PIGQ: variants seen among roughly 807,000 people sequenced by gnomAD.
PIGQ encodes phosphatidylinositol N-acetylglucosaminyltransferase subunit Q.
A neutral mutation model predicts 60.3 loss-of-function variants in PIGQ; 54 were observed. The observed-to-expected ratio is 0.90, with a 90% CI of 0.72 to 1.12. PIGQ has a LOEUF of 1.12. PIGQ is among the 50% of genes most tolerant of loss of function. The probability of loss-of-function intolerance (pLI) is 0.00; values close to 1 mark genes in which losing one functional copy is unlikely to be tolerated. For missense variants in PIGQ, 799 were observed against 793.5 expected, an observed-to-expected ratio of 1.01 and a Z score of -0.08; for synonymous variants, 416 against 363.7, an observed-to-expected ratio of 1.14 and a Z score of -1.64.
At position 582,963 on chromosome 16, in the gene PIGQ, C is replaced by T. The variant is rs760639555; in HGVS notation, c.1674C>T (p.Gly558=). 4.2e-5 allele frequency: 68 copies of T among 1,612,888 alleles called. No homozygotes were observed. The Admixed American group carries it at 7.5e-4, about 18-fold the overall frequency. ...SCGCHPKHSW[G]ALCRKLFLGE... is the part of the protein sequence containing the mutation. Reference sequence around the variant, plus strand: ...GCTGCCACCCCAAGCACTCCTGGGGCGCCCTGTGCCGCAAGCTGTTCCTTG... The same window carrying T: ...GCTGCCACCCCAAGCACTCCTGGGGTGCCCTGTGCCGCAAGCTGTTCCTTG... The change falls in exon 11 of 11, where the codon GGC becomes GGT. Residue 558 remains glycine, a synonymous_variant. Transcript: ENST00000321878.
At chr16:572,396 C>T in intron 1 of PIGQ, 1 of 409,602 alleles carries the variant, frequency 2.4e-6, no homozygotes, top group Middle Eastern at 5.0e-4. Flanking sequence ...CTGGATCCTC[C>T]AGCCCCAGTG....
Position 582,924 on chromosome 16 carries a change from C to A in PIGQ, c.1635C>A (p.Arg545=). The A allele has an allele frequency of 6.2e-7, 1 of 1,612,374 alleles. No homozygotes were observed. The highest frequency in any genetic ancestry group is 8.5e-7 in the Non-Finnish European group (1 of 1,179,674). ...LPYSRVVHTY[R]LPSCGCHPKH... is the part of the protein sequence containing the mutation. The stretch of plus-strand genomic sequence containing the variant: ...ACAGCCGCGTGGTGCACACCTACCG[C>A]CTCCCCAGCTGTGGCTGCCACCCCA... Residue 545 remains arginine (R), a synonymous_variant, in exon 11 of 11, where the codon CGC becomes CGA. Coordinates refer to ENST00000321878, the MANE Select transcript of PIGQ (RefSeq NM_004204.5).
chr16:572,533 A>C, intron 1 of PIGQ: 2 of 455,880 alleles, frequency 4.4e-6, no homozygotes, highest in Non-Finnish European at 8.8e-6. Flanking sequence ...CACCACCCCG[A>C]CGTGTGCATC....
intron 4 of PIGQ, chr16:578,171 C>T (rs759959409): frequency 1.6e-4 from 88 of 544,732 alleles, no homozygotes; most frequent in Non-Finnish European, 2.6e-4. Context: ...CCCAGGCCTG[C>T]AGAGAGAGGC....
At chr16:572,894 C>T (rs2038220990) in intron 1 of PIGQ, among the ~76,000 whole-genome samples, 1 of 152,228 alleles carries the variant, frequency 6.6e-6, no homozygotes, top group Non-Finnish European at 1.5e-5. Context: ...AAGCTATGTC[C>T]CTCCCTCGAG....
intron 8 of PIGQ, chr16:580,574 A>G (rs1215370813): frequency 9.0e-6 from 5 of 553,730 alleles, no homozygotes; most frequent in Non-Finnish European, 1.6e-5. Context: ...AGGTGAGCAG[A>G]ACCACCTCCA....
chr16:575,814 AT>A, intron 2 of PIGQ, 24 bp from the exon 3 acceptor site: 1 of 1,550,246 alleles, frequency 6.5e-7, no homozygotes, highest in South Asian at 1.2e-5. Flanking sequence ...AGAGGGACAC[AT>A]CACTCCTCTC....
At chr16:580,093 T>G in intron 7 of PIGQ, 90 bp from the exon 8 acceptor site, 1 of 986,142 alleles carries the variant, frequency 1.0e-6, no homozygotes, top group Non-Finnish European at 1.5e-6. Context: ...AGGTCCCGAC[T>G]GCAGCTCCGG....
intron 4 of PIGQ, chr16:576,545 G>T: frequency 1.8e-6 from 1 of 559,242 alleles, no homozygotes; most frequent in Non-Finnish European, 3.2e-6. Flanking sequence ...CCAGCGTCCT[G>T]GTATCTCCCT....
intron 10 of PIGQ, 42 bp downstream of exon 10, chr16:582,351 C>A: frequency 6.8e-7 from 1 of 1,464,856 alleles, no homozygotes; most frequent in African/African-American, 1.4e-5. Context: ...GCTGCTGCCC[C>A]TGTTCTGGGA....
At position 580,005 on chromosome 16, in the gene PIGQ, T is replaced by C. The variant is rs568186866; in HGVS notation, c.1336-178T>C. 8 of 511,726 alleles carry C rather than the reference T, an allele frequency of 1.6e-5. No individual in the cohort carries two copies. The Admixed American group carries it at 1.6e-4, about 10-fold the overall frequency. 31.7% of individuals were successfully genotyped at this position (511,726 alleles called of 1,614,324 possible). A position where few individuals can be genotyped will look rare whatever the true frequency, so the allele number is the denominator to read the frequency against. ...GTCTCCCTGCGAGTCCCCTAGTCCG[T>C]GGGGTGTGGGTGGACAGCCCTCCTG... On this transcript the variant is annotated intron_variant, in intron 7 of 10. Coordinates refer to ENST00000321878, the MANE Select transcript of PIGQ (RefSeq NM_004204.5).
intron 2 of PIGQ, among the ~76,000 whole-genome samples, 170 bp from the exon 3 acceptor site, chr16:575,669 G>T (rs553166844): frequency 6.6e-6 from 1 of 152,182 alleles, no homozygotes; most frequent in Admixed American, 6.5e-5. Flanking sequence ...TGAGGTGGGC[G>T]CGTTGAGCGC....
At chr16:576,399 C>T (rs986816589) in intron 4 of PIGQ, 145 bp downstream of exon 4, 12 of 1,011,152 alleles carry the variant, frequency 1.2e-5, no homozygotes, top group Non-Finnish European at 1.4e-5. Context: ...TCCCCTGAAC[C>T]AGAAGCAGGA....
Position 583,921 on chromosome 16 carries a change from T to G in PIGQ, c.*886T>G. ...AGACGGCACGGTCTGGGTGCGGGTG[T>G]TCCCTGTGAGCCCGAGTCCGCTTCA... On this transcript the variant is annotated 3_prime_UTR_variant, in exon 11 of 11. Transcript: ENST00000321878. 13 of 473,868 alleles carry G rather than the reference T, an allele frequency of 2.7e-5. No individual in the cohort carries two copies. Among genetic ancestry groups the G allele is most frequent in the Non-Finnish European group, 4.3e-5 (11 of 254,414 alleles). 29.4% of individuals were successfully genotyped at this position (473,868 alleles called of 1,614,324 possible).
rs776595857 is a variant in PIGQ, at chr16:578,435, G to A, written c.999G>A (p.Gly333=). 6.2e-7 allele frequency: 1 copy of A among 1,612,568 alleles called. No homozygotes were observed. The highest frequency in any genetic ancestry group is 8.5e-7 in the Non-Finnish European group (1 of 1,179,856). Residue 333 remains glycine (G), a synonymous_variant, in exon 5 of 11, where the codon GGG becomes GGA. Transcript: ENST00000321878. ...AGTGGCTGATGGGTGCTCCCGCCGG[G>A]CTCAAGATGAACCGTGCACTGGACC... ...LLQWLMGAPA[G]LKMNRALDQV... is the part of the protein sequence containing the mutation.
chr16:580,748 C>G, intron 8 of PIGQ, 110 bp from the exon 9 acceptor site: 1 of 729,738 alleles, frequency 1.4e-6, no homozygotes. Context: ...CTGCTCTCCC[C>G]AGGACCCTGC....
Position 583,169 on chromosome 16 carries a change from C to T in PIGQ, c.*134C>T, listed in dbSNP as rs773343211. 3 of 1,613,318 alleles carry T rather than the reference C, an allele frequency of 1.9e-6. No homozygotes were observed. The highest frequency in any genetic ancestry group is 1.7e-4 in the Middle Eastern group (1 of 6,060). The stretch of plus-strand genomic sequence containing the variant: ...TGTGTGCTCCTGAACACGGCAGGCC[C>T]TGCTATCACACCTTGGGCTTGGAGG... On this transcript the variant is annotated 3_prime_UTR_variant, in exon 11 of 11. Coordinates refer to ENST00000321878, the MANE Select transcript of PIGQ (RefSeq NM_004204.5).
chr16:571,545 TGTGTGTGTCTGGCTAGCCTGGTGCCC>T lies in PIGQ; in HGVS notation c.-10+1458_-10+1483del, dbSNP rs1189214505. ...GTCTGGCTAGCCTGGCGCCTGTGTG[TGTGTGTGTCTGGCTAGCCTGGTGCCC>T]GTGTGTGTGTGTGTGTGTGTGTGTG... is the stretch of plus-strand genomic sequence containing the variant. On this transcript the variant is annotated intron_variant, in intron 1 of 10. Coordinates refer to ENST00000321878, the MANE Select transcript of PIGQ (RefSeq NM_004204.5). Among the ~76,000 whole-genome samples, 488 of 123,106 alleles carry T rather than the reference TGTGTGTGTCTGGCTAGCCTGGTGCCC, an allele frequency of 4.0e-3. 18 individuals are homozygous for T. The highest frequency in any genetic ancestry group is 0.015 in the African/African-American group (465 of 30,956). The allele number at this position is 123,106 out of a possible 152,430, so 80.8% of individuals were successfully genotyped here.
rs1567178888 is a variant in PIGQ at position 583,738 on chromosome 16, C to CCTATT, written c.*703_*704insCTATT. ...TGACCCAGCCGTACCTATTCGTCCA[C>CCTATT]GGTGCCCCGTAGCAGCAGGTCCTGC... On this transcript the variant is annotated 3_prime_UTR_variant, in exon 11 of 11. Transcript: ENST00000321878. 7.4e-7 allele frequency: 1 copy of CCTATT among 1,346,916 alleles called. No individual in the cohort carries two copies. The highest frequency in any genetic ancestry group is 1.7e-5 in the Admixed American group (1 of 58,906). The allele number at this position is 1,346,916 out of a possible 1,614,324, so 83.4% of individuals were successfully genotyped here.
Sources: gnomAD v4.1 joint callset for allele counts (sites outside exome capture counted in the v4.1 genomes callset) on GRCh38, gnomAD v4.1.1 for gene constraint, MANE v1.5 for transcripts, NCBI Gene and HGNC (gene_info 2026-07-23, HGNC 2026-07-21) for gene names.